SERPINB11: variants seen among roughly 807,000 people sequenced by gnomAD.
SERPINB11 encodes the protein serpin B11.
In SERPINB11, 32 loss-of-function variants were observed where a neutral mutation model predicts 36.7. The ratio of observed to expected loss-of-function variants is 0.87; its 90% CI spans 0.66 to 1.17. The LOEUF (loss-of-function observed/expected upper bound fraction) is 1.17. Among genes scored for constraint, SERPINB11 ranks in the 50% most tolerant of loss-of-function variants. The probability of loss-of-function intolerance (pLI) is 0.00; values close to 1 mark genes in which losing one functional copy is unlikely to be tolerated. For synonymous variants in SERPINB11, 174 were observed against 168.1 expected, an observed-to-expected ratio of 1.04 and a Z score of -0.27; for missense variants, 528 against 458.4, an observed-to-expected ratio of 1.15 and a Z score of -1.39.
chr18:63,704,538 A>G (rs1220176754), intron 1 of SERPINB11, among the ~76,000 whole-genome samples: 2 of 152,358 alleles, frequency 1.3e-5, no homozygotes, highest in East Asian at 3.9e-4. Flanking sequence ...TATTGGCAAG[A>G]CAGAGTTTTA....
chr18:63,717,737 G>A (rs1914704910), intron 5 of SERPINB11, among the ~76,000 whole-genome samples: 1 of 151,288 alleles, frequency 6.6e-6, no homozygotes. Context: ...TGCACATACT[G>A]GATACCTACG....
intron 5 of SERPINB11, among the ~76,000 whole-genome samples, chr18:63,719,721 T>C (rs1320500402): frequency 6.6e-6 from 1 of 152,110 alleles, no homozygotes; most frequent in Non-Finnish European, 1.5e-5. Context: ...AGCAGTGATG[T>C]ATAAGAAATT....
rs779022499 is a variant in SERPINB11, at chr18:63,716,132, G to C, written c.455G>C (p.Trp152Ser). Residue 152 changes from tryptophan (W) to serine (S), a missense_variant, in exon 5 of 8, where the codon TGG becomes TCG. Physicochemically the swap from Trp to Ser is radical, Grantham distance 177. Coordinates refer to ENST00000544088, the MANE Select transcript of SERPINB11 (RefSeq NM_001370475.1). ...GAAACGAGGAAAACGATTAATGCTT[G>C]GGTTGAAAATAAAACTAATGGTAAG... The part of the protein sequence containing the change: ...TEETRKTINA[W>S]VENKTNGKVA... 34 of 1,604,630 alleles carry C rather than the reference G, an allele frequency of 2.1e-5. No homozygotes were observed. Among genetic ancestry groups the C allele is most frequent in the Non-Finnish European group, 2.6e-5 (31 of 1,173,252 alleles).
chr18:63,705,621 T>A (rs2222433), intron 1 of SERPINB11: 56,491 of 151,992 alleles, frequency 0.37, 11,355 homozygotes, highest in East Asian at 0.61. Flanking sequence ...GAAGAAACAA[T>A]CAAATAAACA....
chr18:63,715,333 G>C (rs372682822), intron 4 of SERPINB11, among the ~76,000 whole-genome samples: 12 of 152,098 alleles, frequency 7.9e-5, no homozygotes, highest in African/African-American at 2.9e-4. Context: ...AGGGCCATGG[G>C]TGGTCATAAA....
intron 1 of SERPINB11, chr18:63,705,491 G>A (rs1245464945): frequency 6.6e-6 from 1 of 152,200 alleles, no homozygotes; most frequent in East Asian, 1.9e-4. Flanking sequence ...GAGAAGAAAG[G>A]AAATGAACTG....
intron 2 of SERPINB11, 93 bp from the exon 3 acceptor site, chr18:63,711,242 T>C: frequency 2.3e-6 from 2 of 869,042 alleles, no homozygotes; most frequent in Non-Finnish European, 3.8e-6. Context: ...CTGATCTTGA[T>C]CTAAAATAGA....
At chr18:63,706,357 C>G (rs988561428) in intron 1 of SERPINB11, among the ~76,000 whole-genome samples, 2 of 152,114 alleles carry the variant, frequency 1.3e-5, no homozygotes, top group African/African-American at 4.8e-5. Context: ...AGGACATATC[C>G]CAGTGAACAC....
Position 63,723,329 on chromosome 18 carries a change from C to G in SERPINB11, c.1109C>G (p.Pro370Arg). Residue 370 changes from proline to arginine, a missense_variant, in exon 8 of 8, where the codon CCC becomes CGC. Coordinates refer to ENST00000544088, the MANE Select transcript of SERPINB11 (RefSeq NM_001370475.1). ...PMRAQFKANH[P>R]FLFFIRHTHT... ...AGAGCTCAGTTCAAGGCGAACCACC[C>G]CTTCCTTTTCTTTATAAGGCACACT... The G allele has an allele frequency of 6.2e-7, 1 of 1,613,868 alleles. No individual in the cohort carries two copies. The highest frequency in any genetic ancestry group is 8.5e-7 in the Non-Finnish European group (1 of 1,179,844).
At chr18:63,719,434 T>C (rs1914748147) in intron 5 of SERPINB11, among the ~76,000 whole-genome samples, 1 of 152,076 alleles carries the variant, frequency 6.6e-6, no homozygotes, top group South Asian at 2.1e-4. Flanking sequence ...GTTTTATAAA[T>C]TGCAATGTAC....
intron 1 of SERPINB11, 21 bp from the exon 2 acceptor site, chr18:63,710,158 T>G: frequency 6.4e-7 from 1 of 1,561,302 alleles, no homozygotes; most frequent in South Asian, 1.2e-5. Flanking sequence ...GTTCTGAGAA[T>G]TTTTTCCCTT....
chr18:63,717,404 T>G (rs1914696423), intron 5 of SERPINB11, among the ~76,000 whole-genome samples: 1 of 152,020 alleles, frequency 6.6e-6, no homozygotes, highest in Admixed American at 6.6e-5. Flanking sequence ...GGAATGGAAT[T>G]GCTAGTCATA....
intron 5 of SERPINB11, among the ~76,000 whole-genome samples, chr18:63,716,786 C>A (rs940369043): frequency 1.5e-5 from 2 of 134,190 alleles, no homozygotes; most frequent in African/African-American, 6.0e-5. Context: ...CATTTTTCCC[C>A]AGTTGGCTCT....
Position 63,710,416 on chromosome 18 carries a change from T to C in SERPINB11, c.168+55T>C, listed in dbSNP as rs1322564090. ...ACCCAGAAGTCTTTCATGCTCCCGC[T>C]CTGGGTCAGCAAAATTAATTCTATC... On this transcript the variant is annotated intron_variant, in intron 2 of 7. Transcript: ENST00000544088. The C allele has an allele frequency of 2.1e-6, 3 of 1,435,236 alleles. No individual in the cohort carries two copies. The Admixed American group carries it at 7.0e-5, about 34-fold the overall frequency. The allele number at this position is 1,435,236 out of a possible 1,614,324, so 88.9% of individuals were successfully genotyped here.
intron 4 of SERPINB11, among the ~76,000 whole-genome samples, chr18:63,712,947 G>T (rs1398772423): frequency 6.6e-6 from 1 of 152,192 alleles, no homozygotes; most frequent in Admixed American, 6.5e-5. Flanking sequence ...ACAAAACAAA[G>T]TAGGTAAGAA....
chr18:63,722,949 G>A (rs369135392), intron 7 of SERPINB11, 46 bp from the exon 8 acceptor site: 15 of 1,487,860 alleles, frequency 1.0e-5, no homozygotes, highest in Non-Finnish European at 1.3e-5. Context: ...TAATGTAGAG[G>A]TCGTGTGTTT....
chr18:63,715,684 G>C (rs2144543319), intron 4 of SERPINB11, among the ~76,000 whole-genome samples: 1 of 152,252 alleles, frequency 6.6e-6, no homozygotes, highest in South Asian at 2.1e-4. Flanking sequence ...TAATCTGAGA[G>C]CAGTAACTTC....
chr18:63,707,982 C>T (rs1287539600), intron 1 of SERPINB11, among the ~76,000 whole-genome samples: 2 of 152,150 alleles, frequency 1.3e-5, no homozygotes, highest in African/African-American at 4.8e-5. Context: ...TAATGAGATG[C>T]TATCGGAACA....
intron 7 of SERPINB11, among the ~76,000 whole-genome samples, chr18:63,722,221 C>T (rs58129322): frequency 0.37 from 56,680 of 151,984 alleles, 11,451 homozygotes; most frequent in East Asian, 0.63. Context: ...ACCACCTTTG[C>T]TTTTTGGTGG....
Sources: gnomAD v4.1 joint callset for allele counts (sites outside exome capture counted in the v4.1 genomes callset) on GRCh38, gnomAD v4.1.1 for gene constraint, MANE v1.5 for transcripts, NCBI Gene and HGNC (gene_info 2026-07-23, HGNC 2026-07-21) for gene names.